Variants in FRAS1 observed in about 807,000 individuals in gnomAD.
FRAS1 encodes extracellular matrix organizing protein FRAS1.
Under a neutral mutation model 435.2 loss-of-function variants are expected in FRAS1, and 290 were observed. The ratio of observed to expected loss-of-function variants is 0.67; its 90% CI spans 0.61 to 0.73. The LOEUF is 0.73. Among genes scored for constraint, FRAS1 ranks in the 30% least tolerant of loss-of-function variants. The pLI, the probability that FRAS1 is intolerant of heterozygous loss-of-function variation, is 0.00. For synonymous variants in FRAS1, 1,800 were observed against 1,851.0 expected, an observed-to-expected ratio of 0.97 and a Z score of 0.71; for missense variants, 4,860 against 5,001.5, an observed-to-expected ratio of 0.97 and a Z score of 0.85.
chr4:78,453,562 G>A (rs1719090715), intron 47 of FRAS1, among the ~76,000 whole-genome samples: 1 of 152,198 alleles, frequency 6.6e-6, no homozygotes, highest in Admixed American at 6.5e-5. Flanking sequence ...ACTTTGGGAG[G>A]TTGAGGTGGG....
intron 14 of FRAS1, among the ~76,000 whole-genome samples, chr4:78,290,430 C>G (rs1727832276): frequency 1.3e-5 from 2 of 151,548 alleles, no homozygotes; most frequent in South Asian, 4.2e-4. Flanking sequence ...CCTGGACCAC[C>G]TGGTTTCTTT....
chr4:78,117,644 A>G (rs542486404), intron 2 of FRAS1, among the ~76,000 whole-genome samples: 1 of 152,128 alleles, frequency 6.6e-6, no homozygotes, highest in East Asian at 1.9e-4. Flanking sequence ...GCTTGCATTC[A>G]TCATGTAGTT....
chr4:78,188,408 C>T (rs547669345), intron 2 of FRAS1, among the ~76,000 whole-genome samples: 8 of 152,186 alleles, frequency 5.3e-5, no homozygotes, highest in Non-Finnish European at 8.8e-5. Context: ...ACTTTTGCAT[C>T]AACCTAATAT....
chr4:78,455,423 G>GT (rs1560737970), intron 47 of FRAS1, among the ~76,000 whole-genome samples: 3 of 151,830 alleles, frequency 2.0e-5, no homozygotes, highest in East Asian at 1.9e-4. Flanking sequence ...GTTGAGGAGG[G>GT]AGGGGGTTCT....
intron 2 of FRAS1, among the ~76,000 whole-genome samples, chr4:78,121,843 T>C (rs1719044415): frequency 6.6e-6 from 1 of 152,166 alleles, no homozygotes; most frequent in Non-Finnish European, 1.5e-5. Context: ...GCAGTTGGAA[T>C]AGGAATAGCT....
chr4:78,186,918 A>G (rs373325533), intron 2 of FRAS1, among the ~76,000 whole-genome samples: 35 of 152,322 alleles, frequency 2.3e-4, no homozygotes, highest in African/African-American at 7.7e-4. Flanking sequence ...ATAGTAATAT[A>G]TGTACTTAGC....
At chr4:78,475,768 C>T (rs1015712330) in intron 54 of FRAS1, among the ~76,000 whole-genome samples, 162 bp downstream of exon 54, 5 of 152,216 alleles carry the variant, frequency 3.3e-5, no homozygotes, top group African/African-American at 1.2e-4. Flanking sequence ...GTACTTTGTT[C>T]TTCACAGTCT....
At chr4:78,069,487 G>A (rs184653619) in intron 2 of FRAS1, among the ~76,000 whole-genome samples, 1 of 152,266 alleles carries the variant, frequency 6.6e-6, no homozygotes, top group East Asian at 1.9e-4. Context: ...TCATGGCCCT[G>A]GCGGTCAGAC....
In FRAS1 at chr4:78,441,182, A is replaced by G. The variant is rs1734643797; in HGVS notation, c.5550A>G (p.Ala1850=). The change falls in exon 41 of 74, where the codon GCA becomes GCG. Residue 1850 remains alanine (A), a synonymous_variant. Transcript: ENST00000512123. ...DLITVDEGGR[A]PLSFHHFFAT... ...CTTAGGTTGATGAGGGAGGGAGAGC[A>G]CCACTCTCATTTCACCATTTTTTTG... 16 of 1,613,672 alleles carry G rather than the reference A, an allele frequency of 9.9e-6. No homozygotes were observed. Among genetic ancestry groups the G allele is most frequent in the Non-Finnish European group, 1.4e-5 (16 of 1,179,634 alleles).
chr4:78,067,656 CTT>C (rs10713099), intron 2 of FRAS1, among the ~76,000 whole-genome samples: 169 of 137,574 alleles, frequency 1.2e-3, no homozygotes, highest in African/African-American at 4.2e-3. Flanking sequence ...GTTTCTTTTT[CTT>C]TTTTTTTCTT....
chr4:78,355,868 C>T (rs989164786), intron 20 of FRAS1, among the ~76,000 whole-genome samples: 1 of 152,152 alleles, frequency 6.6e-6, no homozygotes, highest in African/African-American at 2.4e-5. Context: ...ATTTTAAGGA[C>T]ACAGTTTCTG....
At chr4:78,388,024 C>G (rs1281843439) in intron 29 of FRAS1, among the ~76,000 whole-genome samples, 1 of 152,016 alleles carries the variant, frequency 6.6e-6, no homozygotes, top group Non-Finnish European at 1.5e-5. Flanking sequence ...TTTTATCTGC[C>G]CCTCAAAAAC....
Position 78,284,432 on chromosome 4 carries a change from G to A in FRAS1, c.1283G>A (p.Cys428Tyr). The A allele has an allele frequency of 6.2e-7, 1 of 1,613,764 alleles. No homozygotes were observed. Among genetic ancestry groups the A allele is most frequent in the Non-Finnish European group, 8.5e-7 (1 of 1,179,814 alleles). Reference protein sequence around the residue: ...SVHCHPDCLTCSQSPDHCDLC... With the variant: ...SVHCHPDCLTYSQSPDHCDLC... ...CATTGCCATCCAGATTGTTTGACAT[G>A]CTCTCAGTCTCCAGACCACTGTGAC... Residue 428 changes from cysteine to tyrosine, a missense_variant, in exon 13 of 74, where the codon TGC becomes TAC. Physicochemically the swap from Cys to Tyr is radical, Grantham distance 194. Coordinates refer to ENST00000512123, the MANE Select transcript of FRAS1 (RefSeq NM_025074.7).
At chr4:78,099,565 G>A (rs1742002247) in intron 2 of FRAS1, among the ~76,000 whole-genome samples, 1 of 152,148 alleles carries the variant, frequency 6.6e-6, no homozygotes, top group South Asian at 2.1e-4. Context: ...CTATGTTCCT[G>A]GCACTGTTAC....
intron 6 of FRAS1, among the ~76,000 whole-genome samples, chr4:78,256,113 C>A (rs1003977284): frequency 1.3e-5 from 2 of 152,096 alleles, no homozygotes; most frequent in African/African-American, 4.8e-5. Context: ...TGATACAAAG[C>A]AGTACTTTGT....
chr4:78,478,704 T>G (rs1468664811), intron 55 of FRAS1, among the ~76,000 whole-genome samples: 1 of 152,190 alleles, frequency 6.6e-6, no homozygotes, highest in Non-Finnish European at 1.5e-5. Context: ...ACAACAAGAC[T>G]GTAAATGATG....
intron 2 of FRAS1, among the ~76,000 whole-genome samples, chr4:78,130,106 T>C (rs1226645441): frequency 6.6e-6 from 1 of 152,186 alleles, no homozygotes; most frequent in African/African-American, 2.4e-5. Flanking sequence ...CCCTTAAAGA[T>C]AGCATCAATC....
intron 1 of FRAS1, 84 bp downstream of exon 1, chr4:78,058,169 C>A: frequency 7.8e-7 from 1 of 1,285,246 alleles, no homozygotes; most frequent in Non-Finnish European, 1.1e-6. Flanking sequence ...GTTTAAAAAT[C>A]TCAGCAGGTT....
chr4:78,211,362 T>A (rs1723493671), intron 2 of FRAS1, among the ~76,000 whole-genome samples: 1 of 152,216 alleles, frequency 6.6e-6, no homozygotes, highest in South Asian at 2.1e-4. Context: ...GAAGTCAACT[T>A]GTGAAAGTTT....
Sources: gnomAD v4.1 joint callset for allele counts (sites outside exome capture counted in the v4.1 genomes callset) on GRCh38, gnomAD v4.1.1 for gene constraint, MANE v1.5 for transcripts, NCBI Gene and HGNC (gene_info 2026-07-23, HGNC 2026-07-21) for gene names.